The following TRAPPC9 variants were observed in gnomAD, a reference collection of about 807,000 sequenced individuals.
TRAPPC9 encodes the protein trafficking protein particle complex subunit 9, also known as IKK2 binding protein.
A neutral mutation model predicts 124.0 loss-of-function variants in TRAPPC9; 83 were observed. That is an observed-to-expected ratio of 0.67 (90% CI 0.56 to 0.80). The LOEUF is 0.80. Among genes scored for constraint, TRAPPC9 ranks in the 30% least tolerant of loss-of-function variants. The pLI, the probability that TRAPPC9 is intolerant of heterozygous loss-of-function variation, is 0.00. For synonymous variants in TRAPPC9, 638 were observed against 617.5 expected (o/e 1.03, Z -0.49); for missense variants, 1,302 against 1,508.3 (o/e 0.86, Z 2.27).
At chr8:139,737,564 T>C (rs957087287) in intron 21 of TRAPPC9, among the ~76,000 whole-genome samples, 2 of 149,630 alleles carry the variant, frequency 1.3e-5, no homozygotes, top group Non-Finnish European at 3.0e-5. Flanking sequence ...TCGGGCTTCC[T>C]GCCACCCTCC....
intron 21 of TRAPPC9, among the ~76,000 whole-genome samples, chr8:139,824,474 G>A (rs570116000): frequency 7.2e-5 from 11 of 152,318 alleles, no homozygotes; most frequent in South Asian, 6.2e-4. Flanking sequence ...TGAGCAGGGC[G>A]ACTTTCCAAA....
chr8:139,823,479 G>T (rs1224534073), intron 21 of TRAPPC9, among the ~76,000 whole-genome samples: 1 of 152,118 alleles, frequency 6.6e-6, no homozygotes, highest in African/African-American at 2.4e-5. Flanking sequence ...AGCTTGAAAT[G>T]CCACGCCAAG....
At chr8:139,868,050 A>T (rs1828662057) in intron 21 of TRAPPC9, among the ~76,000 whole-genome samples, 1 of 152,226 alleles carries the variant, frequency 6.6e-6, no homozygotes, top group South Asian at 2.1e-4. Context: ...GGGGCATCAG[A>T]TCAACCACAT....
chr8:140,204,565 A>G (rs2062875873), intron 17 of TRAPPC9, among the ~76,000 whole-genome samples: 1 of 152,100 alleles, frequency 6.6e-6, no homozygotes, highest in African/African-American at 2.4e-5. Flanking sequence ...TGGCACATGT[A>G]TACATATGTA....
chr8:139,803,069 T>C (rs1336049312), intron 21 of TRAPPC9, among the ~76,000 whole-genome samples: 2 of 152,164 alleles, frequency 1.3e-5, no homozygotes, highest in African/African-American at 2.4e-5. Flanking sequence ...GTCGTGTGAC[T>C]GTGCTGCGTG....
intron 19 of TRAPPC9, among the ~76,000 whole-genome samples, chr8:139,957,503 T>C (rs1835078487): frequency 6.6e-6 from 1 of 152,208 alleles, no homozygotes; most frequent in Admixed American, 6.5e-5. Context: ...TAGGGCACGC[T>C]GTGTCTGGGT....
chr8:140,251,855 C>G (rs1040367532), intron 16 of TRAPPC9, among the ~76,000 whole-genome samples: 5 of 152,178 alleles, frequency 3.3e-5, no homozygotes, highest in Non-Finnish European at 5.9e-5. Flanking sequence ...AAAATCACCA[C>G]GGCTGACAGT....
At chr8:139,746,468 G>C (rs546698806) in intron 21 of TRAPPC9, among the ~76,000 whole-genome samples, 6 of 152,318 alleles carry the variant, frequency 3.9e-5, no homozygotes, top group Admixed American at 1.3e-4. Context: ...AGATAGGCGG[G>C]CTATGGGACC....
intron 19 of TRAPPC9, among the ~76,000 whole-genome samples, chr8:139,986,918 T>C (rs1039005351): frequency 6.6e-6 from 1 of 152,202 alleles, no homozygotes; most frequent in African/African-American, 2.4e-5. Flanking sequence ...CCATCGTAAA[T>C]TGGTTCTGCT....
At chr8:139,835,441 T>C (rs913468953) in intron 21 of TRAPPC9, among the ~76,000 whole-genome samples, 12 of 152,240 alleles carry the variant, frequency 7.9e-5, no homozygotes, top group African/African-American at 2.9e-4. Flanking sequence ...CGCCCCATTG[T>C]GTCACTGTGA....
intron 5 of TRAPPC9, among the ~76,000 whole-genome samples, chr8:140,412,929 T>C (rs2069759204): frequency 6.6e-6 from 1 of 152,096 alleles, no homozygotes; most frequent in Admixed American, 6.5e-5. Context: ...CATGATCCAC[T>C]GGTCTTTGTG....
chr8:139,971,017 A>G (rs777620041), intron 19 of TRAPPC9, among the ~76,000 whole-genome samples: 12 of 150,386 alleles, frequency 8.0e-5, no homozygotes, highest in Non-Finnish European at 1.8e-4. Flanking sequence ...ACACCCCTAA[A>G]CCCTGCCAAA....
chr8:139,745,887 C>T (rs1164159382), intron 21 of TRAPPC9, among the ~76,000 whole-genome samples: 2 of 152,272 alleles, frequency 1.3e-5, no homozygotes, highest in African/African-American at 4.8e-5. Context: ...CCCGCCTCCA[C>T]GTGCCCATGG....
chr8:140,291,136 T>G, intron 11 of TRAPPC9, 58 bp from the exon 12 acceptor site: 1 of 1,495,680 alleles, frequency 6.7e-7, no homozygotes, highest in South Asian at 1.1e-5. Flanking sequence ...TTTCACTTTC[T>G]ACATGGTTTC....
chr8:140,285,530 T>C (rs1015183414), intron 13 of TRAPPC9, among the ~76,000 whole-genome samples: 6 of 152,286 alleles, frequency 3.9e-5, no homozygotes, highest in Non-Finnish European at 8.8e-5. Context: ...GCCAGCATCC[T>C]TTGGCACCGT....
intron 21 of TRAPPC9, among the ~76,000 whole-genome samples, chr8:139,861,260 G>T (rs1457146247): frequency 6.6e-6 from 1 of 152,192 alleles, no homozygotes; most frequent in Non-Finnish European, 1.5e-5. Context: ...GATGCAGGTA[G>T]CCTCTACTGC....
intron 9 of TRAPPC9, among the ~76,000 whole-genome samples, chr8:140,330,640 C>G (rs2066871149): frequency 6.6e-6 from 1 of 152,284 alleles, no homozygotes; most frequent in East Asian, 1.9e-4. Flanking sequence ...ATAAAAACAT[C>G]TATTTCAAGC....
rs1050623262 is a variant in TRAPPC9 at position 140,401,428 on chromosome 8, T to C, written c.1009-3683A>G. ...ACAATGAAGTCAGAAATCTATCAAT[T>C]GTATATACTGTTTCATGACACAAGA... On this transcript the variant is annotated intron_variant, in intron 6 of 22. Transcript: ENST00000438773. 7.2e-5 allele frequency among the ~76,000 whole-genome samples: 11 copies of C among 152,178 alleles called. No individual in the cohort carries two copies. The South Asian group carries it at 1.0e-3, about 14-fold the overall frequency.
In TRAPPC9 at chr8:140,454,686, C is replaced by G. The variant is rs183962782; in HGVS notation, c.-11+2953G>C. Among the ~76,000 whole-genome samples the G allele has an allele frequency of 2.4e-4, 36 of 146,958 alleles. 1 individual carries two copies. The highest frequency in any genetic ancestry group is 3.8e-3 in the Middle Eastern group (1 of 262). On this transcript the variant is annotated intron_variant, in intron 1 of 22. Coordinates refer to ENST00000438773, the MANE Select transcript of TRAPPC9 (RefSeq NM_001160372.4). ...CACAACCTGACCTCACACCTGTGAT[C>G]TCAACACTTTGGGAGGCCAAGTCGA... is the stretch of plus-strand genomic sequence containing the variant.
Sources: allele counts gnomAD v4.1 joint callset (sites outside exome capture counted in the v4.1 genomes callset), GRCh38; gene constraint gnomAD v4.1.1; transcripts MANE v1.5; gene names NCBI Gene and HGNC (gene_info 2026-07-23, HGNC 2026-07-21).